CASK: variants seen among roughly 807,000 people sequenced by gnomAD.
CASK encodes peripheral plasma membrane protein CASK.
Under a neutral mutation model 82.9 loss-of-function variants are expected in CASK, and 4 were observed. The ratio of observed to expected loss-of-function variants is 0.05; its 90% CI spans 0.02 to 0.11. The LOEUF (loss-of-function observed/expected upper bound fraction) is 0.11. CASK is among the 10% of genes least tolerant of loss of function. CASK has a pLI of 1.00. For missense variants in CASK, 358 were observed against 720.9 expected (o/e 0.50, Z 5.76); for synonymous variants, 259 against 253.5 (o/e 1.02, Z -0.20).
At chrX:41,799,081 A>T (rs1460072456) in intron 2 of CASK, among the ~76,000 whole-genome samples, 1 of 112,649 alleles carries the variant, frequency 8.9e-6, no homozygotes, top group Non-Finnish European at 1.9e-5. Flanking sequence ...ATAAAGCTCA[A>T]TCAAGCAAAT....
chrX:41,829,732 T>TATATATAC (rs2070753204), intron 2 of CASK, among the ~76,000 whole-genome samples: 30 of 33,509 alleles, frequency 9.0e-4, no homozygotes, highest in Admixed American at 3.6e-3. Context: ...TATATATATA[T>TATATATAC]ATATATATAT....
intron 1 of CASK, among the ~76,000 whole-genome samples, chrX:41,904,440 G>A (rs1419539058): frequency 8.9e-6 from 1 of 111,802 alleles, no homozygotes; most frequent in African/African-American, 3.2e-5. Flanking sequence ...CATAATATAT[G>A]AAATATTTAA....
intron 3 of CASK, among the ~76,000 whole-genome samples, chrX:41,765,886 A>G (rs1027268430): frequency 2.2e-4 from 25 of 111,231 alleles, no homozygotes; most frequent in Non-Finnish European, 3.8e-5. Context: ...AAGCAAGGAG[A>G]AAAAAAAGAC....
At chrX:41,874,909 G>A (rs2071782185) in intron 1 of CASK, among the ~76,000 whole-genome samples, 1 of 112,559 alleles carries the variant, frequency 8.9e-6, no homozygotes, top group Non-Finnish European at 1.9e-5. Context: ...GATACTCTTA[G>A]CTCTGCAATA....
chrX:41,796,336 C>G (rs2069852629), intron 2 of CASK, among the ~76,000 whole-genome samples: 1 of 112,548 alleles, frequency 8.9e-6, no homozygotes, highest in African/African-American at 3.2e-5. Flanking sequence ...AGTGCACATG[C>G]ACAATAAGTT....
chrX:41,688,945 A>C (rs1393171347), intron 5 of CASK: 1 of 109,934 alleles, frequency 9.1e-6, no homozygotes, highest in Non-Finnish European at 1.9e-5. Flanking sequence ...CTACCACCAC[A>C]TATGAACATA....
At chrX:41,626,577 A>C in intron 10 of CASK, 27 bp downstream of exon 10, 1 of 938,153 alleles carries the variant, frequency 1.1e-6, no homozygotes, top group Non-Finnish European at 1.5e-6. Context: ...TGACCCACAC[A>C]GGTGAATAAG....
intron 1 of CASK, among the ~76,000 whole-genome samples, chrX:41,891,128 G>T (rs762789067): frequency 9.1e-6 from 1 of 109,597 alleles, no homozygotes; most frequent in Non-Finnish European, 1.9e-5. Flanking sequence ...GACCTCAAGC[G>T]ATCTGCCCAC....
chrX:41,889,031 C>T (rs1368550115), intron 1 of CASK, among the ~76,000 whole-genome samples: 2 of 109,697 alleles, frequency 1.8e-5, no homozygotes, highest in African/African-American at 3.3e-5. Context: ...CTGGATCAAA[C>T]GGTAGATCTA....
At chrX:41,760,439 T>G (rs747052803) in intron 3 of CASK, among the ~76,000 whole-genome samples, 3 of 112,084 alleles carry the variant, frequency 2.7e-5, no homozygotes, top group Non-Finnish European at 5.6e-5. Context: ...CCTGTTCACC[T>G]TTTTGAAGGA....
chrX:41,831,539 T>C (rs916198949), intron 2 of CASK, among the ~76,000 whole-genome samples: 4 of 112,543 alleles, frequency 3.6e-5, no homozygotes, highest in African/African-American at 9.7e-5. Flanking sequence ...GAGTCTTTAC[T>C]ACAAACAAGC....
At chrX:41,885,148 T>A (rs192280576) in intron 1 of CASK, among the ~76,000 whole-genome samples, 1 of 112,053 alleles carries the variant, frequency 8.9e-6, no homozygotes, top group African/African-American at 3.2e-5. Flanking sequence ...TGTTGCCCCA[T>A]GTCTACTTCA....
intron 3 of CASK, among the ~76,000 whole-genome samples, chrX:41,757,969 T>C (rs945279616): frequency 1.8e-5 from 2 of 112,700 alleles, no homozygotes; most frequent in Admixed American, 9.4e-5. Context: ...AGGAGTCATG[T>C]ACGCATAATC....
intron 5 of CASK, among the ~76,000 whole-genome samples, chrX:41,722,993 G>A (rs941565172): frequency 6.3e-5 from 7 of 111,897 alleles, no homozygotes; most frequent in Admixed American, 9.5e-5. Flanking sequence ...TGTAATGAAC[G>A]GCCATGTAAC....
Position 41,530,965 on chromosome X carries a change from A to T in CASK, c.2520+42T>A. ...GATTTCAGAATCTGTGCTTATTGGC[A>T]TGCAGGCAGGATGTCAGACATTCGG... On this transcript the variant is annotated intron_variant, in intron 25 of 26. Transcript: ENST00000378163. 2.7e-6 allele frequency: 3 copies of T among 1,100,413 alleles called. No homozygotes were observed. In the South Asian group the frequency reaches 5.5e-5, roughly 20 times the overall value. 90.7% of individuals were successfully genotyped at this position (1,100,413 alleles called of 1,213,427 possible).
At chrX:41,729,787 T>A (rs1380492937) in intron 5 of CASK, 8 of 80,122 alleles carry the variant, frequency 1.0e-4, no homozygotes, top group African/African-American at 1.5e-4. Flanking sequence ...AAAAAATATA[T>A]ATATATATAT....
At chrX:41,605,662 A>G (rs1354514965) in intron 12 of CASK, among the ~76,000 whole-genome samples, 1 of 111,932 alleles carries the variant, frequency 8.9e-6, no homozygotes, top group Non-Finnish European at 1.9e-5. Context: ...TATGTGGAAC[A>G]TGGGAAGAAA....
intron 2 of CASK, among the ~76,000 whole-genome samples, chrX:41,818,308 T>C (rs925893971): frequency 9.1e-6 from 1 of 110,298 alleles, no homozygotes; most frequent in Middle Eastern, 4.2e-3. Flanking sequence ...TTTCAAGACG[T>C]ATAAAACTAC....
At chrX:41,875,697 GAA>G (rs57241232) in intron 1 of CASK, among the ~76,000 whole-genome samples, 11 of 105,426 alleles carry the variant, frequency 1.0e-4, no homozygotes, top group African/African-American at 1.4e-4. Context: ...TAATGATGAA[GAA>G]AAAAAAAATG....
Sources: allele counts gnomAD v4.1 joint callset (sites outside exome capture counted in the v4.1 genomes callset), GRCh38; gene constraint gnomAD v4.1.1; transcripts MANE v1.5; gene names NCBI Gene and HGNC (gene_info 2026-07-23, HGNC 2026-07-21).